Variants in TAOK1 observed in about 807,000 individuals in gnomAD.
TAOK1 encodes TAO kinase 1.
Under a neutral mutation model 138.3 loss-of-function variants are expected in TAOK1, and 21 were observed. That is an observed-to-expected ratio of 0.15 (90% CI 0.11 to 0.22). The LOEUF is 0.22. Ranked by LOEUF, TAOK1 falls within the 10% of genes least tolerant of loss-of-function variation. The probability of loss-of-function intolerance (pLI) is 1.00; values close to 1 mark genes in which losing one functional copy is unlikely to be tolerated. For missense variants in TAOK1, 651 were observed against 1,227.7 expected (o/e 0.53, Z 7.02); for synonymous variants, 361 against 398.4 (o/e 0.91, Z 1.12).
At chr17:29,462,178 G>A (rs2030547135) in intron 2 of TAOK1, among the ~76,000 whole-genome samples, 1 of 152,070 alleles carries the variant, frequency 6.6e-6, no homozygotes. Context: ...TTAATTAATT[G>A]GCAGGGATCA....
In TAOK1 at chr17:29,488,572, C is replaced by CAAA. The variant is rs1216067881; in HGVS notation, c.656-1088_656-1086dup. 1.1e-3 allele frequency among the ~76,000 whole-genome samples: 111 copies of CAAA among 97,368 alleles called. 2 individuals carry two copies. Among genetic ancestry groups the CAAA allele is most frequent in the East Asian group, 7.3e-3 (20 of 2,722 alleles). 63.9% of individuals were successfully genotyped at this position (97,368 alleles called of 152,430 possible). A position where few individuals can be genotyped will look rare whatever the true frequency, so the allele number is the denominator to read the frequency against. ...GGGCAACAAGAGTGAAACCACATCT[C>CAAA]AAAAAATAATAATAATAATAATAAT... is the stretch of plus-strand genomic sequence containing the variant. On this transcript the variant is annotated intron_variant, in intron 8 of 19. Transcript: ENST00000261716.
chr17:29,480,533 A>C lies in TAOK1; in HGVS notation c.563+52A>C, dbSNP rs1007892550. ...CTGTTTTAAGTGTCTGTCTATGTTT[A>C]ACATGAAATACAAATGAAGTGTAAG... On this transcript the variant is annotated intron_variant, in intron 7 of 19. Coordinates refer to ENST00000261716, the MANE Select transcript of TAOK1 (RefSeq NM_020791.4). 6.9e-6 allele frequency: 10 copies of C among 1,451,536 alleles called. 1 individual carries two copies. Among genetic ancestry groups the C allele is most frequent in the Middle Eastern group, 1.8e-4 (1 of 5,694 alleles). 89.9% of individuals were successfully genotyped at this position (1,451,536 alleles called of 1,614,324 possible).
At chr17:29,436,091 C>A (rs1157994217) in intron 1 of TAOK1, among the ~76,000 whole-genome samples, 1 of 152,188 alleles carries the variant, frequency 6.6e-6, no homozygotes, top group Non-Finnish European at 1.5e-5. Context: ...GATTGAGCCA[C>A]TGCACTCCAG....
At chr17:29,401,815 ACTTTTTGTT>A (rs1904854185) in intron 1 of TAOK1, among the ~76,000 whole-genome samples, 1 of 151,638 alleles carries the variant, frequency 6.6e-6, no homozygotes. Context: ...TAATTTTTGT[ACTTTTTGTT>A]CTTTTTGTTT....
intron 2 of TAOK1, among the ~76,000 whole-genome samples, chr17:29,456,353 G>A (rs1472158776): frequency 1.7e-4 from 25 of 149,356 alleles, no homozygotes; most frequent in Admixed American, 1.4e-3. Context: ...CTCTGTCTCC[G>A]GGAAAAAAAA....
intron 15 of TAOK1, chr17:29,513,109 TTAGCATAC>T (rs1323665820): frequency 2.2e-5 from 3 of 135,648 alleles, no homozygotes; most frequent in African/African-American, 8.3e-5. Flanking sequence ...ATATAATTAA[TTAGCATAC>T]TGTGATACAT....
At chr17:29,451,732 C>T in intron 2 of TAOK1, 52 bp downstream of exon 2, 1 of 1,573,400 alleles carries the variant, frequency 6.4e-7, no homozygotes, top group Admixed American at 1.9e-5. Flanking sequence ...AATGTCCACT[C>T]CTGACAGAGC....
chr17:29,536,058 C>T (rs947799522), intron 19 of TAOK1, among the ~76,000 whole-genome samples: 6 of 151,434 alleles, frequency 4.0e-5, no homozygotes, highest in East Asian at 3.9e-4. Flanking sequence ...TTTGGGAGGC[C>T]GAGGGTTGGG....
At chr17:29,397,708 T>C (rs1904692474) in intron 1 of TAOK1, among the ~76,000 whole-genome samples, 2 of 96,830 alleles carry the variant, frequency 2.1e-5, no homozygotes, top group South Asian at 7.4e-4. Context: ...TATGCATACA[T>C]GAATATACAT....
Position 29,448,807 on chromosome 17 carries a change from G to C in TAOK1, c.-94-2648G>C, listed in dbSNP as rs753542293. 9.8e-3 allele frequency among the ~76,000 whole-genome samples: 1,493 copies of C among 152,286 alleles called. 13 individuals carry two copies. Among genetic ancestry groups the C allele is most frequent in the Non-Finnish European group, 0.014 (984 of 68,016 alleles). On this transcript the variant is annotated intron_variant, in intron 1 of 19. Transcript: ENST00000261716. Reference sequence around the variant, plus strand: ...ATTCAGCAATATTTATATAATAACTGTAGATGGTAAGGGGTAGAAGCTGGA... The same window carrying C: ...ATTCAGCAATATTTATATAATAACTCTAGATGGTAAGGGGTAGAAGCTGGA...
chr17:29,542,473 C>T, intron 19 of TAOK1, 88 bp from the exon 20 acceptor site: 1 of 1,125,770 alleles, frequency 8.9e-7, no homozygotes, highest in Non-Finnish European at 1.2e-6. Context: ...ATAAAATAAC[C>T]ACTTCAAAGC....
intron 1 of TAOK1, among the ~76,000 whole-genome samples, chr17:29,396,674 A>T (rs1254716922): frequency 3.9e-5 from 6 of 152,220 alleles, no homozygotes; most frequent in Non-Finnish European, 7.3e-5. Context: ...TCTGGTTTGC[A>T]GCTACCAATA....
intron 1 of TAOK1, among the ~76,000 whole-genome samples, chr17:29,442,240 C>A (rs926895401): frequency 1.3e-5 from 2 of 151,846 alleles, no homozygotes; most frequent in Non-Finnish European, 2.9e-5. Flanking sequence ...GAGATGGGGT[C>A]TCCCTAGTTT....
chr17:29,511,098 T>A, intron 15 of TAOK1, 106 bp downstream of exon 15: 1 of 1,115,780 alleles, frequency 9.0e-7, no homozygotes, highest in Non-Finnish European at 1.2e-6. Context: ...TTGTTGTTTA[T>A]GGTCACTAAA....
At chr17:29,393,104 G>T (rs1904480482) in intron 1 of TAOK1, among the ~76,000 whole-genome samples, 1 of 152,068 alleles carries the variant, frequency 6.6e-6, no homozygotes, top group Non-Finnish European at 1.5e-5. Context: ...GGACAAAGCT[G>T]CATGTTGTTG....
chr17:29,485,959 A>G (rs1246512151), intron 8 of TAOK1, among the ~76,000 whole-genome samples: 2 of 152,228 alleles, frequency 1.3e-5, no homozygotes, highest in African/African-American at 4.8e-5. Flanking sequence ...AAACATGCAC[A>G]AGATAATAAG....
At chr17:29,461,732 T>C (rs542677650) in intron 2 of TAOK1, among the ~76,000 whole-genome samples, 1 of 151,628 alleles carries the variant, frequency 6.6e-6, no homozygotes, top group Non-Finnish European at 1.5e-5. Flanking sequence ...ATTTGTGTAA[T>C]GAAATGTAGA....
chr17:29,528,839 C>CA (rs58073512), intron 17 of TAOK1, among the ~76,000 whole-genome samples: 4,046 of 69,310 alleles, frequency 0.058, 570 homozygotes, highest in African/African-American at 0.19. Flanking sequence ...GACTCCGTCT[C>CA]AAAAAAAAAA....
At position 29,541,102 on chromosome 17, in the gene TAOK1, GT is replaced by G. The variant is rs1274177600; in HGVS notation, c.2545-1455del. Among the ~76,000 whole-genome samples, 56 of 2,304 alleles carry G rather than the reference GT, an allele frequency of 0.024. No homozygotes were observed. The East Asian group carries it at 0.44, about 18-fold the overall frequency. 1.5% of individuals were successfully genotyped at this position (2,304 alleles called of 152,430 possible). On this transcript the variant is annotated intron_variant, in intron 19 of 19. Coordinates refer to ENST00000261716, the MANE Select transcript of TAOK1 (RefSeq NM_020791.4). ...TTTGCTTCCCATGAAAAAAATTTTT[GT>G]TTTGTTTATTTGTTTGTTTGTTTTG...
Sources: allele counts gnomAD v4.1 joint callset (sites outside exome capture counted in the v4.1 genomes callset), GRCh38; gene constraint gnomAD v4.1.1; transcripts MANE v1.5; gene names NCBI Gene and HGNC (gene_info 2026-07-23, HGNC 2026-07-21).